SLC25A13: variants seen among roughly 807,000 people sequenced by gnomAD.
The protein encoded by SLC25A13 is electrogenic aspartate/glutamate antiporter SLC25A13, mitochondrial.
In SLC25A13, 70 loss-of-function variants were observed where a neutral mutation model predicts 85.5. The observed-to-expected ratio is 0.82, with a 90% CI of 0.68 to 1.00. SLC25A13 has a LOEUF of 1.00. SLC25A13 is among the 50% of genes least tolerant of loss of function. The pLI, the probability that SLC25A13 is intolerant of heterozygous loss-of-function variation, is 0.00. For synonymous variants in SLC25A13, 259 were observed against 288.7 expected (o/e 0.90, Z 1.04); for missense variants, 765 against 819.8 (o/e 0.93, Z 0.82).
chr7:96,220,478 T>C lies in SLC25A13; in HGVS notation c.329-11501A>G, dbSNP rs146169146. ...TATGTTCTTGATTTTGTTTCCTTTA[T>C]CAACCTATCAGAGCAAAAACTGCCT... On this transcript the variant is annotated intron_variant, in intron 4 of 17. Coordinates refer to ENST00000265631, the MANE Select transcript of SLC25A13 (RefSeq NM_014251.3). Among the ~76,000 whole-genome samples, 87 of 152,308 alleles carry C rather than the reference T, an allele frequency of 5.7e-4. No homozygotes were observed. The East Asian group carries it at 0.01, about 18-fold the overall frequency.
At chr7:96,203,746 G>A (rs1318806511) in intron 5 of SLC25A13, among the ~76,000 whole-genome samples, 1 of 152,110 alleles carries the variant, frequency 6.6e-6, no homozygotes, top group Non-Finnish European at 1.5e-5. Flanking sequence ...AGATACCCAA[G>A]ATTATAAAAC....
At chr7:96,157,272 A>T (rs1793313585) in intron 13 of SLC25A13, among the ~76,000 whole-genome samples, 1 of 151,998 alleles carries the variant, frequency 6.6e-6, no homozygotes, top group South Asian at 2.1e-4. Flanking sequence ...GTAAAATTAT[A>T]GGTTTTTTCT....
At chr7:96,283,753 G>T in intron 2 of SLC25A13, 2 of 207,504 alleles carry the variant, frequency 9.6e-6, no homozygotes, top group South Asian at 1.4e-4. Context: ...CACTTTGTGA[G>T]AACTCACGGG....
chr7:96,176,502 C>T (rs940272534), intron 11 of SLC25A13, among the ~76,000 whole-genome samples: 1 of 152,162 alleles, frequency 6.6e-6, no homozygotes. Flanking sequence ...GCTGCTAATG[C>T]GAGAAAAGAT....
chr7:96,175,675 C>A (rs994731812), intron 11 of SLC25A13, among the ~76,000 whole-genome samples: 9 of 152,232 alleles, frequency 5.9e-5, no homozygotes, highest in African/African-American at 2.2e-4. Flanking sequence ...GGAGCATGCA[C>A]CAAATTCTGT....
intron 2 of SLC25A13, chr7:96,283,493 G>A (rs1584562510): frequency 2.4e-6 from 1 of 413,042 alleles, no homozygotes; most frequent in East Asian, 6.3e-5. Context: ...AAGGGAATGA[G>A]TACTGTTCAA....
intron 4 of SLC25A13, among the ~76,000 whole-genome samples, chr7:96,216,265 T>C (rs1395138623): frequency 6.6e-6 from 1 of 152,188 alleles, no homozygotes; most frequent in East Asian, 1.9e-4. Context: ...CTGGTGAGGT[T>C]GCAGAGAAAA....
chr7:96,308,364 G>T (rs1799837090), intron 1 of SLC25A13, among the ~76,000 whole-genome samples: 1 of 152,194 alleles, frequency 6.6e-6, no homozygotes, highest in Non-Finnish European at 1.5e-5. Flanking sequence ...TGACCCCTGT[G>T]GGGAGGTGAT....
chr7:96,283,648 C>T (rs1451144848), intron 2 of SLC25A13: 1 of 289,364 alleles, frequency 3.5e-6, no homozygotes, highest in Admixed American at 4.2e-5. Context: ...ACATTAAGCA[C>T]TCTAAGAGCT....
chr7:96,181,280 TCA>T (rs1794410364), intron 11 of SLC25A13, among the ~76,000 whole-genome samples: 1 of 152,124 alleles, frequency 6.6e-6, no homozygotes, highest in Non-Finnish European at 1.5e-5. Context: ...ATTAACCAAC[TCA>T]CAACACCTCT....
At chr7:96,239,166 C>T (rs1376948731) in intron 3 of SLC25A13, among the ~76,000 whole-genome samples, 3 of 147,916 alleles carry the variant, frequency 2.0e-5, no homozygotes, top group African/African-American at 5.0e-5. Flanking sequence ...GTTACTGATA[C>T]CAAAAGGTAT....
intron 11 of SLC25A13, among the ~76,000 whole-genome samples, chr7:96,181,605 C>A (rs1355054433): frequency 6.6e-6 from 1 of 152,184 alleles, no homozygotes; most frequent in Admixed American, 6.5e-5. Flanking sequence ...TCAAAGTATA[C>A]ACAAAGGTAA....
chr7:96,185,472 G>A (rs1794598018), intron 9 of SLC25A13, among the ~76,000 whole-genome samples: 1 of 152,120 alleles, frequency 6.6e-6, no homozygotes, highest in African/African-American at 2.4e-5. Context: ...GGTGGCATGT[G>A]CCTGTAGTCT....
At chr7:96,169,766 C>A in intron 13 of SLC25A13, 2 of 464,558 alleles carry the variant, frequency 4.3e-6, no homozygotes, top group Non-Finnish European at 7.7e-6. Context: ...TTTTCAAAGG[C>A]CAAACACTTC....
At chr7:96,259,152 G>A (rs1797751939) in intron 3 of SLC25A13, among the ~76,000 whole-genome samples, 1 of 152,180 alleles carries the variant, frequency 6.6e-6, no homozygotes, top group Admixed American at 6.5e-5. Flanking sequence ...ATAGGCATAT[G>A]CAAAGACTTC....
intron 9 of SLC25A13, among the ~76,000 whole-genome samples, chr7:96,187,397 T>C (rs1040133698): frequency 3.3e-5 from 5 of 152,218 alleles, no homozygotes; most frequent in African/African-American, 7.2e-5. Context: ...TAGCTTTACA[T>C]AGAAATATGC....
At chr7:96,246,626 CATT>C (rs749765501) in intron 3 of SLC25A13, among the ~76,000 whole-genome samples, 9 of 152,138 alleles carry the variant, frequency 5.9e-5, no homozygotes, top group Non-Finnish European at 1.2e-4. Flanking sequence ...CTTTGAGAAA[CATT>C]ATCAATTACT....
At chr7:96,188,801 A>C (rs1291810758) in intron 9 of SLC25A13, among the ~76,000 whole-genome samples, 1 of 152,266 alleles carries the variant, frequency 6.6e-6, no homozygotes, top group Non-Finnish European at 1.5e-5. Flanking sequence ...AATAGGTCTG[A>C]AAGCCTTTAA....
chr7:96,218,874 T>C (rs1795995973), intron 4 of SLC25A13, among the ~76,000 whole-genome samples: 1 of 152,192 alleles, frequency 6.6e-6, no homozygotes, highest in African/African-American at 2.4e-5. Flanking sequence ...TCAAAGAAAG[T>C]TGTGGTTTTT....
Sources: allele counts gnomAD v4.1 joint callset (sites outside exome capture counted in the v4.1 genomes callset), GRCh38; gene constraint gnomAD v4.1.1; transcripts MANE v1.5; gene names NCBI Gene and HGNC (gene_info 2026-07-23, HGNC 2026-07-21).